The following OCA2 variants were observed in gnomAD, a reference collection of about 807,000 sequenced individuals.
OCA2 encodes the protein P protein.
OCA2 carries 77 observed loss-of-function variants against 100.2 expected under a neutral mutation model. That is an observed-to-expected ratio of 0.77 (90% CI 0.64 to 0.93). The LOEUF (loss-of-function observed/expected upper bound fraction) is 0.93. Ranked by LOEUF, OCA2 falls within the 40% of genes least tolerant of loss-of-function variation. The probability of loss-of-function intolerance (pLI) is 0.00; values close to 1 mark genes in which losing one functional copy is unlikely to be tolerated. For synonymous variants in OCA2, 432 were observed against 439.2 expected, an observed-to-expected ratio of 0.98 and a Z score of 0.21; for missense variants, 1,062 against 1,089.1, an observed-to-expected ratio of 0.98 and a Z score of 0.35.
chr15:28,075,625 T>C (rs945849220), intron 2 of OCA2, among the ~76,000 whole-genome samples: 1 of 152,238 alleles, frequency 6.6e-6, no homozygotes, highest in African/African-American at 2.4e-5. Flanking sequence ...TGTATGCCAA[T>C]GCTTATACTG....
At chr15:27,902,845 CAG>C (rs1376822263) in intron 19 of OCA2, among the ~76,000 whole-genome samples, 3 of 152,212 alleles carry the variant, frequency 2.0e-5, no homozygotes, top group Admixed American at 6.5e-5. Context: ...GGGACAGAGT[CAG>C]AGTGTTCCAG....
At chr15:27,884,795 T>C (rs1301120587) in intron 19 of OCA2, among the ~76,000 whole-genome samples, 1 of 152,202 alleles carries the variant, frequency 6.6e-6, no homozygotes, top group Non-Finnish European at 1.5e-5. Context: ...TTTTGTTTAG[T>C]TTCATTTCTG....
At position 27,771,229 on chromosome 15, in the gene OCA2, C is replaced by G. The variant is rs74007362; in HGVS notation, c.2433-15757G>C. ...CACCTTCTGAGGCCCATAAACACCC[C>G]CAGGTCCTCCTGCTCACAGCAAATC... is the stretch of plus-strand genomic sequence containing the variant. On this transcript the variant is annotated intron_variant, in intron 23 of 23. Coordinates refer to ENST00000354638, the MANE Select transcript of OCA2 (RefSeq NM_000275.3). Among the ~76,000 whole-genome samples the G allele has an allele frequency of 1.6e-3, 248 of 151,964 alleles. 1 individual carries two copies. Among genetic ancestry groups the G allele is most frequent in the African/African-American group, 5.8e-3 (242 of 41,436 alleles).
At chr15:27,897,716 C>A (rs2037764166) in intron 19 of OCA2, among the ~76,000 whole-genome samples, 1 of 152,186 alleles carries the variant, frequency 6.6e-6, no homozygotes, top group African/African-American at 2.4e-5. Context: ...GGGGCACCAC[C>A]TAGTGGAGCT....
intron 18 of OCA2, among the ~76,000 whole-genome samples, chr15:27,948,189 G>A (rs1221034795): frequency 6.6e-6 from 1 of 152,158 alleles, no homozygotes. Context: ...TTTGCATAAG[G>A]TGCTGCGGAA....
intron 23 of OCA2, among the ~76,000 whole-genome samples, chr15:27,842,556 T>A (rs897749840): frequency 2.0e-5 from 3 of 152,192 alleles, no homozygotes; most frequent in African/African-American, 7.2e-5. Context: ...AGATAACCAT[T>A]CCCTGGGCAA....
At chr15:27,909,552 C>CAAAT in intron 19 of OCA2, among the ~76,000 whole-genome samples, 1 of 152,142 alleles carries the variant, frequency 6.6e-6, no homozygotes. Context: ...CATTAACAGA[C>CAAAT]AAATAGACAT....
intron 18 of OCA2, among the ~76,000 whole-genome samples, chr15:27,947,052 C>G (rs535709509): frequency 9.7e-4 from 148 of 152,344 alleles, no homozygotes; most frequent in Middle Eastern, 3.4e-3. Context: ...CACTTTTTCT[C>G]CAATCCCATT....
chr15:28,046,753 A>G (rs1192760859), intron 2 of OCA2, among the ~76,000 whole-genome samples: 1 of 152,230 alleles, frequency 6.6e-6, no homozygotes, highest in East Asian at 1.9e-4. Flanking sequence ...GACTTCATCC[A>G]TACAAGCAAG....
intron 19 of OCA2, among the ~76,000 whole-genome samples, chr15:27,897,747 A>G (rs895390784): frequency 6.6e-6 from 1 of 152,192 alleles, no homozygotes; most frequent in Non-Finnish European, 1.5e-5. Flanking sequence ...CCCAGATCCC[A>G]GAATGGTAGA....
At chr15:27,843,108 T>A (rs1432408576) in intron 23 of OCA2, among the ~76,000 whole-genome samples, 1 of 152,170 alleles carries the variant, frequency 6.6e-6, no homozygotes, top group Admixed American at 6.5e-5. Flanking sequence ...CAACTGGTGT[T>A]GCAAAAAGCC....
intron 19 of OCA2, among the ~76,000 whole-genome samples, chr15:27,897,736 T>C (rs2037765101): frequency 6.6e-6 from 1 of 152,100 alleles, no homozygotes; most frequent in South Asian, 2.1e-4. Context: ...TGTGAGAAGC[T>C]CCCAGATCCC....
At chr15:27,799,694 G>A (rs1205559582) in intron 23 of OCA2, among the ~76,000 whole-genome samples, 1 of 151,674 alleles carries the variant, frequency 6.6e-6, no homozygotes, top group Non-Finnish European at 1.5e-5. Context: ...GCAGTGAGCC[G>A]AGATGGTGCC....
chr15:28,052,959 G>A (rs1372848812), intron 2 of OCA2, among the ~76,000 whole-genome samples: 1 of 152,194 alleles, frequency 6.6e-6, no homozygotes, highest in African/African-American at 2.4e-5. Flanking sequence ...AGACAGGGAT[G>A]GCGATGGCAA....
chr15:27,967,062 G>A (rs781660287), intron 14 of OCA2, among the ~76,000 whole-genome samples: 13 of 152,186 alleles, frequency 8.5e-5, no homozygotes, highest in East Asian at 5.8e-4. Context: ...CCCGAGAGGC[G>A]GAACTTGCAG....
At chr15:27,997,155 AAAG>A (rs1181010201) in intron 9 of OCA2, among the ~76,000 whole-genome samples, 3 of 149,570 alleles carry the variant, frequency 2.0e-5, no homozygotes, top group South Asian at 2.1e-4. Flanking sequence ...AGAGAGAAAG[AAAG>A]AAAGGAAGGA....
At chr15:27,959,725 G>T (rs2040348471) in intron 15 of OCA2, among the ~76,000 whole-genome samples, 1 of 152,162 alleles carries the variant, frequency 6.6e-6, no homozygotes, top group African/African-American at 2.4e-5. Flanking sequence ...TGACCTCCCA[G>T]TCTCTGTGCG....
intron 23 of OCA2, among the ~76,000 whole-genome samples, chr15:27,807,652 T>A (rs1357947823): frequency 6.6e-6 from 1 of 152,098 alleles, no homozygotes; most frequent in Non-Finnish European, 1.5e-5. Context: ...TGCACAGCTG[T>A]GGATTTATTG....
intron 23 of OCA2, among the ~76,000 whole-genome samples, chr15:27,783,609 A>G (rs904855419): frequency 6.6e-6 from 1 of 152,218 alleles, no homozygotes; most frequent in Non-Finnish European, 1.5e-5. Flanking sequence ...AGACACCACT[A>G]TGAAGAGTTC....
Sources: gnomAD v4.1 joint callset for allele counts (sites outside exome capture counted in the v4.1 genomes callset) on GRCh38, gnomAD v4.1.1 for gene constraint, MANE v1.5 for transcripts, NCBI Gene and HGNC (gene_info 2026-07-23, HGNC 2026-07-21) for gene names.